Variants in TIGAR observed in about 807,000 individuals in gnomAD.
The protein encoded by TIGAR is TP53 induced glycolysis regulatory phosphatase, also known as fructose-2,6-bisphosphatase TIGAR.
TIGAR carries 7 observed loss-of-function variants against 17.9 expected under a neutral mutation model. The observed-to-expected ratio is 0.39, with a 90% CI of 0.22 to 0.73. The LOEUF is 0.73. Ranked by LOEUF, TIGAR falls within the 30% of genes least tolerant of loss-of-function variation. The probability of loss-of-function intolerance (pLI) is 0.42; values close to 1 mark genes in which losing one functional copy is unlikely to be tolerated. For synonymous variants in TIGAR, 94 were observed against 108.6 expected, an observed-to-expected ratio of 0.87 and a Z score of 0.84; for missense variants, 258 against 327.4, an observed-to-expected ratio of 0.79 and a Z score of 1.64.
chr12:4,341,445 C>A (rs1242599530), intron 3 of TIGAR, among the ~76,000 whole-genome samples: 2 of 152,164 alleles, frequency 1.3e-5, no homozygotes, highest in Non-Finnish European at 2.9e-5. Flanking sequence ...TGCCTCCTCA[C>A]ATGGGTCCCT....
intron 2 of TIGAR, among the ~76,000 whole-genome samples, chr12:4,334,176 C>A (rs1455797909): frequency 1.3e-5 from 2 of 152,290 alleles, no homozygotes; most frequent in East Asian, 3.9e-4. Flanking sequence ...GCTGCTGTAA[C>A]AGAGTATCAT....
intron 3 of TIGAR, among the ~76,000 whole-genome samples, chr12:4,338,975 C>CAAAAAAAAAA (rs199840929): frequency 1.0e-4 from 4 of 38,184 alleles, no homozygotes; most frequent in Non-Finnish European, 1.5e-4. Context: ...AACTTTGTCT[C>CAAAAAAAAAA]ACAAAAAAAA....
chr12:4,324,572 G>A, intron 1 of TIGAR: 3 of 1,604,132 alleles, frequency 1.9e-6, no homozygotes, highest in Non-Finnish European at 1.7e-6. Flanking sequence ...ATGTCCCGCA[G>A]GTGCGTCTTC....
intron 3 of TIGAR, among the ~76,000 whole-genome samples, chr12:4,340,925 C>T (rs1030789894): frequency 6.6e-6 from 1 of 152,146 alleles, no homozygotes; most frequent in African/African-American, 2.4e-5. Flanking sequence ...AGACCTCAAA[C>T]TATGAAACTA....
chr12:4,327,290 T>G (rs1159742406), intron 1 of TIGAR, among the ~76,000 whole-genome samples: 2 of 151,860 alleles, frequency 1.3e-5, no homozygotes, highest in Non-Finnish European at 2.9e-5. Context: ...TTGCCTGTAA[T>G]CCCAGCTATT....
At chr12:4,343,981 A>G (rs1046856913) in intron 3 of TIGAR, among the ~76,000 whole-genome samples, 3 of 152,236 alleles carry the variant, frequency 2.0e-5, no homozygotes, top group African/African-American at 7.2e-5. Flanking sequence ...ATAGACCGCT[A>G]GCAAGACCAA....
At chr12:4,329,239 G>T (rs1161011708) in intron 1 of TIGAR, among the ~76,000 whole-genome samples, 10 of 150,158 alleles carry the variant, frequency 6.7e-5, no homozygotes, top group African/African-American at 2.4e-4. Context: ...ATAAATAATG[G>T]TTATTCTGGC....
intron 5 of TIGAR, 101 bp from the exon 6 acceptor site, chr12:4,352,159 A>T (rs1864843444): frequency 1.1e-6 from 1 of 939,000 alleles, no homozygotes. Context: ...AGTACTTGGC[A>T]TTCAATATTA....
chr12:4,324,292 G>C (rs969397260), intron 1 of TIGAR: 2 of 661,752 alleles, frequency 3.0e-6, no homozygotes, highest in Admixed American at 4.9e-5. Flanking sequence ...TGTTTGCAGT[G>C]AGTCCCCGGC....
At chr12:4,336,446 GCACACACACACACACACACA>G (rs10595001) in intron 2 of TIGAR, among the ~76,000 whole-genome samples, 445 of 138,564 alleles carry the variant, frequency 3.2e-3, no homozygotes, top group South Asian at 0.014. Context: ...CAGCAATGCA[GCACACACACACACACACACA>G]CACACACACA....
rs571999440 is a variant in TIGAR, at chr12:4,325,737, G to A, written c.32+4434G>A. On this transcript the variant is annotated intron_variant, in intron 1 of 5. Coordinates refer to ENST00000179259, the MANE Select transcript of TIGAR (RefSeq NM_020375.3). ...AGCCTGGGCAACAAGAGTAAAACTC[G>A]TCTCAAAAAAAAAAAAAAAAAAGAA... Among the ~76,000 whole-genome samples, 28 of 103,650 alleles carry A rather than the reference G, an allele frequency of 2.7e-4. 1 individual carries two copies. In the South Asian group the frequency reaches 9.8e-3, roughly 36 times the overall value. 68.0% of individuals were successfully genotyped at this position (103,650 alleles called of 152,430 possible).
chr12:4,349,571 C>T (rs1402384202), intron 3 of TIGAR, among the ~76,000 whole-genome samples: 1 of 152,126 alleles, frequency 6.6e-6, no homozygotes, highest in Non-Finnish European at 1.5e-5. Context: ...GTGCGTGCCA[C>T]CACATCCGGC....
At position 4,321,240 on chromosome 12, in the gene TIGAR, C is replaced by A. The variant is rs371293733; in HGVS notation, c.-32C>A. The A allele has an allele frequency of 6.3e-7, 1 of 1,599,762 alleles. No individual in the cohort carries two copies. Reference sequence around the variant, plus strand: ...CCCGCAGTGCAGGGGCAGCGCGGCGCGGGGCCACCGACGGGACGCGGCTCC... The same window carrying A: ...CCCGCAGTGCAGGGGCAGCGCGGCGAGGGGCCACCGACGGGACGCGGCTCC... On this transcript the variant is annotated 5_prime_UTR_variant, in exon 1 of 6. Coordinates refer to ENST00000179259, the MANE Select transcript of TIGAR (RefSeq NM_020375.3). The surrounding 1 kb of genome is among the most constrained non-coding windows in gnomAD (Gnocchi z 5.2).
At chr12:4,339,671 A>G (rs547491258) in intron 3 of TIGAR, among the ~76,000 whole-genome samples, 2 of 152,234 alleles carry the variant, frequency 1.3e-5, no homozygotes, top group Non-Finnish European at 2.9e-5. Context: ...ACCAAATTCA[A>G]CAATACCATT....
chr12:4,324,162 G>A (rs1342696761), intron 1 of TIGAR, among the ~76,000 whole-genome samples: 1 of 152,160 alleles, frequency 6.6e-6, no homozygotes. Flanking sequence ...ATCATTGTCA[G>A]ACTATAACTT....
At chr12:4,333,903 A>AATCT (rs1173234656) in intron 2 of TIGAR, among the ~76,000 whole-genome samples, 1 of 151,854 alleles carries the variant, frequency 6.6e-6, no homozygotes, top group African/African-American at 2.4e-5. Context: ...CTTGGCCTAG[A>AATCT]ATCTGTCTTT....
Position 4,341,283 on chromosome 12 carries a change from G to A in TIGAR, c.192+4123G>A, listed in dbSNP as rs181518336. ...CATACAAATGACAAAGAGAGGGGGG[G>A]CGGTTCCAAGATGGCCGATTAGGAA... is the stretch of plus-strand genomic sequence containing the variant. On this transcript the variant is annotated intron_variant, in intron 3 of 5. Transcript: ENST00000179259. Among the ~76,000 whole-genome samples the A allele has an allele frequency of 1.8e-3, 279 of 152,156 alleles. 1 individual carries two copies. The highest frequency in any genetic ancestry group is 6.5e-3 in the African/African-American group (271 of 41,528).
At chr12:4,345,935 A>G (rs994105511) in intron 3 of TIGAR, among the ~76,000 whole-genome samples, 1 of 152,262 alleles carries the variant, frequency 6.6e-6, no homozygotes, top group African/African-American at 2.4e-5. Flanking sequence ...CCCATCAACA[A>G]GTGGGCAAAG....
intron 1 of TIGAR, among the ~76,000 whole-genome samples, chr12:4,329,705 A>G (rs1460519596): frequency 2.0e-5 from 3 of 152,144 alleles, no homozygotes; most frequent in African/African-American, 7.2e-5. Flanking sequence ...TAAAAGGGTA[A>G]ACAGATTTGT....
Sources: allele counts gnomAD v4.1 joint callset (sites outside exome capture counted in the v4.1 genomes callset), GRCh38; gene constraint gnomAD v4.1.1; non-coding constraint Gnocchi (gnomAD v3.1); transcripts MANE v1.5; gene names NCBI Gene and HGNC (gene_info 2026-07-23, HGNC 2026-07-21).